MEI4: variants seen among roughly 807,000 people sequenced by gnomAD.
The protein encoded by MEI4 is meiotic double-stranded break formation protein 4.
In MEI4, 27 loss-of-function variants were observed where a neutral mutation model predicts 31.4. That is an observed-to-expected ratio of 0.86 (90% CI 0.63 to 1.19). MEI4 has a LOEUF of 1.19. Among genes scored for constraint, MEI4 ranks in the 50% most tolerant of loss-of-function variants. The probability of loss-of-function intolerance (pLI) is 0.00; values close to 1 mark genes in which losing one functional copy is unlikely to be tolerated. For missense variants in MEI4, 329 were observed against 398.9 expected (o/e 0.82, Z 1.49); for synonymous variants, 122 against 145.4 (o/e 0.84, Z 1.16).
intron 2 of MEI4, among the ~76,000 whole-genome samples, chr6:77,738,610 T>C (rs1767316001): frequency 6.8e-6 from 1 of 147,154 alleles, no homozygotes; most frequent in Non-Finnish European, 1.5e-5. Context: ...GTATATTCAG[T>C]AATGGGATTT....
At chr6:77,895,487 G>A (rs778412881) in intron 4 of MEI4, among the ~76,000 whole-genome samples, 10 of 152,042 alleles carry the variant, frequency 6.6e-5, no homozygotes, top group Non-Finnish European at 1.5e-4. Context: ...GAAGAATGCT[G>A]CCATACTCTC....
chr6:77,698,722 T>C (rs1314255704), intron 2 of MEI4, among the ~76,000 whole-genome samples: 1 of 152,184 alleles, frequency 6.6e-6, no homozygotes, highest in Non-Finnish European at 1.5e-5. Flanking sequence ...ATTTCAACTT[T>C]GGTGAATCTG....
At chr6:77,809,523 T>C (rs1258535688) in intron 3 of MEI4, among the ~76,000 whole-genome samples, 1 of 152,232 alleles carries the variant, frequency 6.6e-6, no homozygotes, top group Non-Finnish European at 1.5e-5. Context: ...TTTAGAATTC[T>C]TTCACTTCTG....
chr6:77,666,664 A>G (rs1768639096), intron 1 of MEI4, among the ~76,000 whole-genome samples: 2 of 152,140 alleles, frequency 1.3e-5, no homozygotes, highest in African/African-American at 4.8e-5. Context: ...TAGGCAGTCA[A>G]GTTCTCCTGC....
At chr6:77,746,932 T>G (rs1020263648) in intron 2 of MEI4, among the ~76,000 whole-genome samples, 3 of 152,120 alleles carry the variant, frequency 2.0e-5, no homozygotes, top group Admixed American at 6.5e-5. Flanking sequence ...CTATAAAGTT[T>G]ATGAGCTTGT....
At chr6:77,695,340 T>C (rs1451211940) in intron 2 of MEI4, among the ~76,000 whole-genome samples, 1 of 150,180 alleles carries the variant, frequency 6.7e-6, no homozygotes, top group African/African-American at 2.4e-5. Flanking sequence ...TCCTTGCCCA[T>C]GCCTATGTCC....
intron 4 of MEI4, among the ~76,000 whole-genome samples, chr6:77,921,630 GATTTCTAGCTTTTGATTTAAA>G (rs1358321909): frequency 6.6e-6 from 1 of 151,818 alleles, no homozygotes; most frequent in African/African-American, 2.4e-5. Flanking sequence ...TAAGCTTAAT[GATTTCTAGCTTTTGATTTAAA>G]ATTGGAGATA....
At chr6:77,756,097 C>T (rs1411842900) in intron 2 of MEI4, among the ~76,000 whole-genome samples, 2 of 152,016 alleles carry the variant, frequency 1.3e-5, no homozygotes, top group Non-Finnish European at 2.9e-5. Flanking sequence ...CTCAGTCATA[C>T]AAGCAAAGAA....
chr6:77,876,466 C>T (rs757838538), intron 4 of MEI4, among the ~76,000 whole-genome samples: 1 of 152,134 alleles, frequency 6.6e-6, no homozygotes, highest in Non-Finnish European at 1.5e-5. Context: ...CAGATGCTGG[C>T]ACCGTGCTCC....
intron 4 of MEI4, among the ~76,000 whole-genome samples, chr6:77,888,484 T>C (rs1398364173): frequency 1.3e-5 from 2 of 152,168 alleles, no homozygotes; most frequent in African/African-American, 4.8e-5. Flanking sequence ...ATTGGCCTTT[T>C]GCTTCCAGAA....
intron 3 of MEI4, among the ~76,000 whole-genome samples, chr6:77,825,954 A>G (rs1769937582): frequency 1.3e-5 from 2 of 152,148 alleles, no homozygotes; most frequent in African/African-American, 4.8e-5. Flanking sequence ...CCATCCTGAA[A>G]CTCATGTGGG....
upstream of MEI4, among the ~76,000 whole-genome samples, chr6:77,651,595 G>A (rs141180424): frequency 3.6e-3 from 541 of 152,238 alleles, 4 homozygotes; most frequent in African/African-American, 0.012. Flanking sequence ...GATTTACAGC[G>A]TATTATATGA....
intron 3 of MEI4, among the ~76,000 whole-genome samples, chr6:77,794,462 G>A (rs186748886): frequency 6.6e-6 from 1 of 152,112 alleles, no homozygotes; most frequent in Non-Finnish European, 1.5e-5. Flanking sequence ...ACTCGGGAGG[G>A]TGAGGCAGGA....
intron 4 of MEI4, among the ~76,000 whole-genome samples, chr6:77,900,455 G>T (rs1039949087): frequency 1.3e-5 from 2 of 151,968 alleles, no homozygotes; most frequent in Non-Finnish European, 2.9e-5. Context: ...CATAGCTCTA[G>T]ACTATAGAAA....
intron 3 of MEI4, among the ~76,000 whole-genome samples, chr6:77,767,465 C>G (rs1379162241): frequency 6.6e-6 from 1 of 152,074 alleles, no homozygotes; most frequent in Non-Finnish European, 1.5e-5. Context: ...GAGGCCGAGG[C>G]AGGCAGATCA....
At chr6:77,777,970 G>C (rs1339651805) in intron 3 of MEI4, among the ~76,000 whole-genome samples, 4 of 151,798 alleles carry the variant, frequency 2.6e-5, no homozygotes, top group Non-Finnish European at 5.9e-5. Context: ...TTATGCCGAT[G>C]AATAAAACAA....
At chr6:77,657,268 C>A (rs574782395) in intron 1 of MEI4, among the ~76,000 whole-genome samples, 1 of 152,314 alleles carries the variant, frequency 6.6e-6, no homozygotes, top group South Asian at 2.1e-4. Flanking sequence ...GAAACAACTT[C>A]AGAGAATAGT....
intron 2 of MEI4, among the ~76,000 whole-genome samples, chr6:77,727,909 G>A (rs187258206): frequency 1.0e-4 from 15 of 150,364 alleles, no homozygotes; most frequent in East Asian, 5.8e-4. Flanking sequence ...CTCTTTGATC[G>A]TAACAGATGT....
intron 1 of MEI4, among the ~76,000 whole-genome samples, chr6:77,664,343 A>G (rs1029346370): frequency 6.6e-6 from 1 of 152,326 alleles, no homozygotes; most frequent in South Asian, 2.1e-4. Context: ...CAAACAAGTC[A>G]TGAAGTGGGC....
Sources: allele counts gnomAD v4.1 joint callset (sites outside exome capture counted in the v4.1 genomes callset), GRCh38; gene constraint gnomAD v4.1.1; transcripts MANE v1.5; gene names NCBI Gene and HGNC (gene_info 2026-07-23, HGNC 2026-07-21).